Variants in ADGRB3 observed in about 807,000 individuals in gnomAD.
ADGRB3 encodes the protein brain-specific angiogenesis inhibitor 3.
In ADGRB3, 37 loss-of-function variants were observed where a neutral mutation model predicts 193.4. The observed-to-expected ratio is 0.19, with a 90% CI of 0.15 to 0.25. The LOEUF is 0.25. Among genes scored for constraint, ADGRB3 ranks in the 10% least tolerant of loss-of-function variants. The pLI, the probability that ADGRB3 is intolerant of heterozygous loss-of-function variation, is 1.00. For synonymous variants in ADGRB3, 690 were observed against 644.2 expected, an observed-to-expected ratio of 1.07 and a Z score of -1.08; for missense variants, 1,637 against 1,852.9, an observed-to-expected ratio of 0.88 and a Z score of 2.14.
intron 17 of ADGRB3, among the ~76,000 whole-genome samples, chr6:69,186,718 GAT>G (rs1010750523): frequency 6.6e-6 from 1 of 151,996 alleles, no homozygotes; most frequent in Admixed American, 6.6e-5. Flanking sequence ...CTGTCTTTCA[GAT>G]ATATACCAAC....
chr6:68,894,908 G>T (rs12210824), intron 3 of ADGRB3, among the ~76,000 whole-genome samples: 2,569 of 151,634 alleles, frequency 0.017, 29 homozygotes, highest in Non-Finnish European at 0.025. Flanking sequence ...AATCAGACAA[G>T]ATCCCATTAT....
intron 17 of ADGRB3, among the ~76,000 whole-genome samples, chr6:69,185,128 G>A (rs572529506): frequency 2.0e-5 from 3 of 152,080 alleles, no homozygotes; most frequent in Admixed American, 6.6e-5. Context: ...AATATCTTAC[G>A]TTTTGTAGGA....
At chr6:69,156,207 G>A (rs1043497226) in intron 17 of ADGRB3, among the ~76,000 whole-genome samples, 1 of 151,948 alleles carries the variant, frequency 6.6e-6, no homozygotes, top group African/African-American at 2.4e-5. Context: ...TCCTGCCCTC[G>A]AATTAATTAG....
chr6:68,932,688 TAA>T (rs1485067023), intron 4 of ADGRB3, among the ~76,000 whole-genome samples: 1 of 151,872 alleles, frequency 6.6e-6, no homozygotes, highest in Admixed American at 6.6e-5. Context: ...GCTTTACTTA[TAA>T]AAGTGTTCCC....
chr6:68,848,586 C>G (rs569852231), intron 3 of ADGRB3, among the ~76,000 whole-genome samples: 23 of 152,010 alleles, frequency 1.5e-4, no homozygotes, highest in African/African-American at 5.3e-4. Flanking sequence ...TTTCTCAGAC[C>G]AATCACATAT....
chr6:69,241,556 GC>G (rs1273410770), intron 20 of ADGRB3, among the ~76,000 whole-genome samples: 1 of 151,850 alleles, frequency 6.6e-6, no homozygotes, highest in Non-Finnish European at 1.5e-5. Context: ...CATTCTGTCT[GC>G]CCAGTTTGAC....
At chr6:69,014,645 C>T (rs951927099) in intron 12 of ADGRB3, among the ~76,000 whole-genome samples, 1 of 151,860 alleles carries the variant, frequency 6.6e-6, no homozygotes, top group Non-Finnish European at 1.5e-5. Context: ...TTTATAAATG[C>T]TTTGCATAGC....
chr6:69,106,529 A>C (rs1773221058), intron 17 of ADGRB3, among the ~76,000 whole-genome samples: 1 of 152,220 alleles, frequency 6.6e-6, no homozygotes, highest in South Asian at 2.1e-4. Context: ...AAAAGTATCT[A>C]AGTAAGTAAA....
At chr6:69,192,156 C>T (rs1724365702) in intron 17 of ADGRB3, among the ~76,000 whole-genome samples, 1 of 152,138 alleles carries the variant, frequency 6.6e-6, no homozygotes, top group African/African-American at 2.4e-5. Flanking sequence ...CCTCAATAGG[C>T]TGTCTGCAAG....
At chr6:68,750,988 C>T (rs1427981256) in intron 3 of ADGRB3, among the ~76,000 whole-genome samples, 1 of 152,136 alleles carries the variant, frequency 6.6e-6, no homozygotes, top group African/African-American at 2.4e-5. Context: ...TATTGTTCCA[C>T]TCTTCTGGGC....
chr6:69,117,480 G>T (rs1773567477), intron 17 of ADGRB3, among the ~76,000 whole-genome samples: 1 of 152,108 alleles, frequency 6.6e-6, no homozygotes, highest in African/African-American at 2.4e-5. Flanking sequence ...AACAGAAAAA[G>T]ATACTCTAAT....
intron 3 of ADGRB3, among the ~76,000 whole-genome samples, chr6:68,751,264 C>A (rs1278972055): frequency 6.6e-6 from 1 of 152,206 alleles, no homozygotes; most frequent in Admixed American, 6.5e-5. Flanking sequence ...GTTTAGACTT[C>A]TACCGTGTTT....
intron 3 of ADGRB3, among the ~76,000 whole-genome samples, chr6:68,706,999 T>C (rs1044777091): frequency 6.6e-6 from 1 of 151,278 alleles, no homozygotes; most frequent in African/African-American, 2.4e-5. Context: ...TAGACCAAGC[T>C]ACTTGGGAGG....
intron 17 of ADGRB3, among the ~76,000 whole-genome samples, chr6:69,214,241 G>T (rs1435201923): frequency 6.6e-6 from 1 of 152,102 alleles, no homozygotes; most frequent in Non-Finnish European, 1.5e-5. Flanking sequence ...TGTTACAATT[G>T]TCAGTTGGAA....
chr6:69,230,297 C>T (rs1766105129), intron 17 of ADGRB3, among the ~76,000 whole-genome samples: 1 of 151,964 alleles, frequency 6.6e-6, no homozygotes, highest in Non-Finnish European at 1.5e-5. Flanking sequence ...AAACTAGACG[C>T]CATAATTAAG....
rs377396523 is a variant in ADGRB3, at chr6:69,297,938, T to C, written c.2815-26934T>C. On this transcript the variant is annotated intron_variant, in intron 20 of 31. Coordinates refer to ENST00000370598, the MANE Select transcript of ADGRB3 (RefSeq NM_001704.3). Reference sequence around the variant, plus strand: ...GAGCTGATGGTTTGAAATCCTACTCTACTATGTACTAAGTTTGTTTATTTT... The same window carrying C: ...GAGCTGATGGTTTGAAATCCTACTCCACTATGTACTAAGTTTGTTTATTTT... Among the ~76,000 whole-genome samples, 43 of 152,230 alleles carry C rather than the reference T, an allele frequency of 2.8e-4. No homozygotes were observed. In the South Asian group the frequency reaches 8.9e-3, roughly 32 times the overall value.
chr6:68,667,113 T>C (rs555372088), intron 3 of ADGRB3, among the ~76,000 whole-genome samples: 102 of 151,974 alleles, frequency 6.7e-4, no homozygotes, highest in African/African-American at 2.3e-3. Flanking sequence ...GCTGGTACTT[T>C]TTTAAACTTT....
chr6:68,902,879 A>G (rs543421601), intron 3 of ADGRB3, among the ~76,000 whole-genome samples: 1 of 152,280 alleles, frequency 6.6e-6, no homozygotes, highest in South Asian at 2.1e-4. Flanking sequence ...ATAATTTTTA[A>G]ATTGATTAAT....
chr6:68,696,534 GTA>G (rs1255024387), intron 3 of ADGRB3, among the ~76,000 whole-genome samples: 1 of 151,686 alleles, frequency 6.6e-6, no homozygotes, highest in Non-Finnish European at 1.5e-5. Context: ...TGAACTTGAT[GTA>G]TTATTATTCT....
Sources: allele counts gnomAD v4.1 joint callset (sites outside exome capture counted in the v4.1 genomes callset), GRCh38; gene constraint gnomAD v4.1.1; transcripts MANE v1.5; gene names NCBI Gene and HGNC (gene_info 2026-07-23, HGNC 2026-07-21).